OXR1: variants seen among roughly 807,000 people sequenced by gnomAD.
OXR1 encodes the protein oxidation resistance 1.
In OXR1, 41 loss-of-function variants were observed where a neutral mutation model predicts 104.6. That is an observed-to-expected ratio of 0.39 (90% CI 0.31 to 0.51). The LOEUF (loss-of-function observed/expected upper bound fraction) is 0.51, where lower values mean the gene tolerates loss of function less well. Ranked by LOEUF, OXR1 falls within the 20% of genes least tolerant of loss-of-function variation. The pLI, the probability that OXR1 is intolerant of heterozygous loss-of-function variation, is 0.77. For missense variants in OXR1, 955 were observed against 1,031.9 expected, an observed-to-expected ratio of 0.93 and a Z score of 1.02; for synonymous variants, 348 against 348.4, an observed-to-expected ratio of 1.00 and a Z score of 0.01.
intron 2 of OXR1, among the ~76,000 whole-genome samples, chr8:106,487,069 G>A (rs1563554651): frequency 6.7e-6 from 1 of 148,638 alleles, no homozygotes; most frequent in South Asian, 2.1e-4. Flanking sequence ...TGTCACCCAG[G>A]CTGGAGAGCA....
intron 2 of OXR1, among the ~76,000 whole-genome samples, chr8:106,369,244 T>A (rs1816608287): frequency 6.6e-6 from 1 of 152,200 alleles, no homozygotes. Flanking sequence ...TTGATGGGGT[T>A]GTTTGTTTTT....
At chr8:106,419,209 T>A (rs756034017) in intron 2 of OXR1, among the ~76,000 whole-genome samples, 1 of 152,186 alleles carries the variant, frequency 6.6e-6, no homozygotes, top group Non-Finnish European at 1.5e-5. Context: ...ACATGCATCT[T>A]ACCCTGACGA....
chr8:106,537,244 T>C (rs1814606095), intron 3 of OXR1, among the ~76,000 whole-genome samples: 1 of 152,102 alleles, frequency 6.6e-6, no homozygotes, highest in Non-Finnish European at 1.5e-5. Context: ...AGGGACACAA[T>C]ATTCAATCCA....
At chr8:106,385,097 T>C (rs915637566) in intron 2 of OXR1, among the ~76,000 whole-genome samples, 3 of 152,216 alleles carry the variant, frequency 2.0e-5, no homozygotes, top group Non-Finnish European at 4.4e-5. Flanking sequence ...CTCTTGCTTT[T>C]TCTTCTTCTT....
chr8:106,486,004 A>AT (rs1810629407), intron 2 of OXR1, among the ~76,000 whole-genome samples: 1 of 152,022 alleles, frequency 6.6e-6, no homozygotes, highest in South Asian at 2.1e-4. Flanking sequence ...AAGGATACAA[A>AT]TTTTTTATTA....
chr8:106,564,379 T>C (rs1019529089), intron 3 of OXR1, among the ~76,000 whole-genome samples: 2 of 151,402 alleles, frequency 1.3e-5, no homozygotes, highest in African/African-American at 4.9e-5. Flanking sequence ...AACTAGAAAA[T>C]CTAGAAGAAA....
Position 106,545,560 on chromosome 8 carries a change from G to A in OXR1, c.220+26421G>A, listed in dbSNP as rs140143403. On this transcript the variant is annotated intron_variant, in intron 3 of 16. Coordinates refer to ENST00000517566, the MANE Select transcript of OXR1 (RefSeq NM_001198533.2). Reference sequence around the variant, plus strand: ...ACTGTAAACCTATAATAATTAAAACGGTGGTACACAGATGAAGTAACTAAC... The same window carrying A: ...ACTGTAAACCTATAATAATTAAAACAGTGGTACACAGATGAAGTAACTAAC... Among the ~76,000 whole-genome samples the A allele has an allele frequency of 3.9e-5, 6 of 152,204 alleles. No individual in the cohort carries two copies. The East Asian group carries it at 7.7e-4, about 20-fold the overall frequency.
At chr8:106,313,543 AT>A (rs1310899639) in intron 1 of OXR1, among the ~76,000 whole-genome samples, 5 of 151,918 alleles carry the variant, frequency 3.3e-5, no homozygotes, top group African/African-American at 4.8e-5. Flanking sequence ...GTGGAAGGAT[AT>A]TTTTTTTCTT....
chr8:106,638,616 C>T (rs146832863), intron 3 of OXR1, among the ~76,000 whole-genome samples: 14 of 152,220 alleles, frequency 9.2e-5, no homozygotes, highest in African/African-American at 3.4e-4. Context: ...AAAGCAAATA[C>T]CCGGCTGGGC....
At chr8:106,608,137 T>A (rs908102305) in intron 3 of OXR1, among the ~76,000 whole-genome samples, 5 of 151,994 alleles carry the variant, frequency 3.3e-5, no homozygotes, top group Non-Finnish European at 5.9e-5. Context: ...TTATTTTTTT[T>A]AAACTGGTCA....
At chr8:106,737,237 A>G (rs1318603752) in intron 11 of OXR1, among the ~76,000 whole-genome samples, 1 of 152,100 alleles carries the variant, frequency 6.6e-6, no homozygotes, top group Non-Finnish European at 1.5e-5. Context: ...TTTTCTGTAT[A>G]AAAAACTATA....
chr8:106,333,373 T>A (rs1814804406), intron 1 of OXR1, among the ~76,000 whole-genome samples: 1 of 152,122 alleles, frequency 6.6e-6, no homozygotes, highest in South Asian at 2.1e-4. Flanking sequence ...TCATATATTG[T>A]AGATATTAGA....
rs763189263 is a variant in OXR1 at position 106,750,840 on chromosome 8, T to C, written c.2521T>C (p.Tyr841His). ...TGCGCTTTGGCTTGATGGAGATCTC[T>C]ACCATGGAAGAAGCCATTCTTGTAA... ...EFALWLDGDL[Y>H]HGRSHSCKTF... Residue 841 changes from tyrosine (Y) to histidine (H), a missense_variant, in exon 17 of 17, where the codon TAC becomes CAC. Physicochemically the swap from Tyr to His is moderately conservative, Grantham distance 83 (BLOSUM62 2). Transcript: ENST00000517566. 6.2e-6 allele frequency: 10 copies of C among 1,600,186 alleles called. 1 individual carries two copies. In the South Asian group the frequency reaches 1.0e-4, roughly 16 times the overall value.
chr8:106,577,932 G>A (rs1817972418), intron 3 of OXR1, among the ~76,000 whole-genome samples: 1 of 152,122 alleles, frequency 6.6e-6, no homozygotes, highest in Admixed American at 6.5e-5. Context: ...ACTGAATTCA[G>A]TTTGCAGTTT....
chr8:106,575,959 CAA>C (rs910935051), intron 3 of OXR1, among the ~76,000 whole-genome samples: 3 of 146,512 alleles, frequency 2.0e-5, no homozygotes, highest in African/African-American at 5.0e-5. Flanking sequence ...GAGAAAATGA[CAA>C]AGAGAAGAGA....
chr8:106,556,724 C>T (rs1349369980), intron 3 of OXR1, among the ~76,000 whole-genome samples: 2 of 152,160 alleles, frequency 1.3e-5, no homozygotes, highest in African/African-American at 4.8e-5. Context: ...TCAGAAGCCC[C>T]TTGTTATGCA....
chr8:106,613,600 T>C (rs1820972741), intron 3 of OXR1, among the ~76,000 whole-genome samples: 1 of 152,224 alleles, frequency 6.6e-6, no homozygotes, highest in Non-Finnish European at 1.5e-5. Flanking sequence ...AGTTTCACCA[T>C]GTTGGACAGG....
At chr8:106,694,706 T>C (rs1299907027) in intron 7 of OXR1, among the ~76,000 whole-genome samples, 2 of 109,204 alleles carry the variant, frequency 1.8e-5, no homozygotes, top group Non-Finnish European at 3.4e-5. Context: ...TTTATATATT[T>C]AATATATAAA....
chr8:106,690,267 G>A (rs1829147672), intron 6 of OXR1, among the ~76,000 whole-genome samples: 1 of 150,702 alleles, frequency 6.6e-6, no homozygotes, highest in African/African-American at 2.4e-5. Flanking sequence ...ACTCAAATGT[G>A]TAAATAACAC....
Sources: gnomAD v4.1 joint callset for allele counts (sites outside exome capture counted in the v4.1 genomes callset) on GRCh38, gnomAD v4.1.1 for gene constraint, MANE v1.5 for transcripts, NCBI Gene and HGNC (gene_info 2026-07-23, HGNC 2026-07-21) for gene names.